The following RNLS variants were observed in gnomAD, a reference collection of about 807,000 sequenced individuals.
The protein encoded by RNLS is renalase.
Under a neutral mutation model 39.8 loss-of-function variants are expected in RNLS, and 39 were observed. That is an observed-to-expected ratio of 0.98 (90% CI 0.76 to 1.28). RNLS has a LOEUF of 1.28. Among genes scored for constraint, RNLS ranks in the 50% most tolerant of loss-of-function variants. The pLI is 0.00. For synonymous variants in RNLS, 147 were observed against 150.7 expected (o/e 0.98, Z 0.18); for missense variants, 410 against 413.3 (o/e 0.99, Z 0.07).
intron 4 of RNLS, among the ~76,000 whole-genome samples, chr10:88,516,516 G>A (rs1396611974): frequency 6.6e-6 from 1 of 151,892 alleles, no homozygotes; most frequent in Non-Finnish European, 1.5e-5. Context: ...TGAGAACTTA[G>A]TCTGATTATA....
intron 6 of RNLS, among the ~76,000 whole-genome samples, chr10:88,287,423 C>G (rs1201901080): frequency 1.3e-5 from 2 of 152,076 alleles, no homozygotes; most frequent in African/African-American, 2.4e-5. Context: ...GAGCTTTTAA[C>G]CTGCTTTAGA....
At chr10:88,537,694 C>T (rs534454013) in intron 4 of RNLS, among the ~76,000 whole-genome samples, 2 of 152,060 alleles carry the variant, frequency 1.3e-5, no homozygotes, top group Non-Finnish European at 2.9e-5. Flanking sequence ...TGGCTAGCCA[C>T]TCAGGGTGGG....
rs760818465 is a variant in RNLS, at chr10:88,375,082, C to A, written c.527-12357G>T. Among the ~76,000 whole-genome samples the A allele has an allele frequency of 5.1e-4, 77 of 152,080 alleles. 1 individual carries two copies. Among genetic ancestry groups the A allele is most frequent in the Middle Eastern group, 3.2e-3 (1 of 316 alleles). On this transcript the variant is annotated intron_variant, in intron 4 of 6. Transcript: ENST00000331772. ...TCTTGTTACTCTCTCTCTTCCTCTT[C>A]AATTTCTTGTCCTGTTGTCACAAGA... is the stretch of plus-strand genomic sequence containing the variant.
rs372698839 is a variant in RNLS, at chr10:88,491,956, TG to T, written c.526+80946del. Among the ~76,000 whole-genome samples the T allele has an allele frequency of 4.1e-4, 62 of 151,124 alleles. 1 individual carries two copies. Among genetic ancestry groups the T allele is most frequent in the Non-Finnish European group, 5.8e-4 (39 of 67,678 alleles). Reference sequence around the variant, plus strand: ...AGGGTATTAGGGAGAAAAAGAGTTTTGTTTTTTTTTTTTTTTTTAGGGGTAA... The same window carrying T: ...AGGGTATTAGGGAGAAAAAGAGTTTTTTTTTTTTTTTTTTTTTAGGGGTAA... On this transcript the variant is annotated intron_variant, in intron 4 of 6. Coordinates refer to ENST00000331772, the MANE Select transcript of RNLS (RefSeq NM_001031709.3).
chr10:88,259,714 G>A, the RNLS span, among the ~76,000 whole-genome samples: 2 of 152,126 alleles, frequency 1.3e-5, no homozygotes, highest in African/African-American at 4.8e-5. Flanking sequence ...AACTTAAATA[G>A]GATTCAACAG....
chr10:88,425,146 C>A (rs1311649108), intron 4 of RNLS, among the ~76,000 whole-genome samples: 1 of 152,090 alleles, frequency 6.6e-6, no homozygotes, highest in Non-Finnish European at 1.5e-5. Flanking sequence ...GGGAACTGTG[C>A]ATATAATATT....
intron 3 of RNLS, 45 bp downstream of exon 3, chr10:88,581,522 T>G: frequency 6.5e-7 from 1 of 1,537,740 alleles, no homozygotes; most frequent in Non-Finnish European, 8.8e-7. Context: ...AACTTGTTTT[T>G]AAATGCTAAT....
At chr10:88,263,745 CA>C in the RNLS span, among the ~76,000 whole-genome samples, 1 of 152,162 alleles carries the variant, frequency 6.6e-6, no homozygotes, top group Non-Finnish European at 1.5e-5. Flanking sequence ...TTACTTTAGG[CA>C]GATGATTTAA....
At chr10:88,576,784 G>A (rs1364884611) in intron 3 of RNLS, among the ~76,000 whole-genome samples, 1 of 152,150 alleles carries the variant, frequency 6.6e-6, no homozygotes, top group African/African-American at 2.4e-5. Context: ...AGCCATCCTA[G>A]CTAATGGCAT....
chr10:88,254,274 C>A, the RNLS span, among the ~76,000 whole-genome samples: 1 of 152,328 alleles, frequency 6.6e-6, no homozygotes, highest in Middle Eastern at 3.4e-3. Flanking sequence ...CTGCCTCTAC[C>A]TATGACTAAC....
intron 4 of RNLS, among the ~76,000 whole-genome samples, chr10:88,406,914 T>C (rs1369830242): frequency 6.6e-6 from 1 of 152,074 alleles, no homozygotes; most frequent in East Asian, 1.9e-4. Context: ...TGGATGAGAT[T>C]GGAGACTATT....
intron 4 of RNLS, among the ~76,000 whole-genome samples, chr10:88,444,608 G>C (rs757103123): frequency 1.1e-4 from 16 of 152,142 alleles, no homozygotes; most frequent in Non-Finnish European, 2.1e-4. Flanking sequence ...AGAGTAACCA[G>C]AGTAGAGAAG....
At chr10:88,211,729 CAG>C in the RNLS span, among the ~76,000 whole-genome samples, 1 of 152,138 alleles carries the variant, frequency 6.6e-6, no homozygotes, top group African/African-American at 2.4e-5. Context: ...AGGAAGAAAA[CAG>C]GGGCCAGATC....
chr10:88,305,941 C>T (rs1179261038), intron 6 of RNLS, among the ~76,000 whole-genome samples: 1 of 152,154 alleles, frequency 6.6e-6, no homozygotes, highest in Non-Finnish European at 1.5e-5. Context: ...AAAAACTCCT[C>T]AGCAAATGCA....
chr10:88,368,675 T>C (rs1696363930), intron 4 of RNLS, among the ~76,000 whole-genome samples: 2 of 152,172 alleles, frequency 1.3e-5, no homozygotes, highest in Non-Finnish European at 2.9e-5. Context: ...TTTGATGAAA[T>C]GTATGTTGCA....
chr10:88,174,712 G>T, the RNLS span, among the ~76,000 whole-genome samples: 1 of 152,064 alleles, frequency 6.6e-6, no homozygotes, highest in Non-Finnish European at 1.5e-5. Context: ...ATAATGGTCT[G>T]TTTTGTGTAT....
At chr10:88,478,161 C>T (rs899411869) in intron 4 of RNLS, among the ~76,000 whole-genome samples, 2 of 152,134 alleles carry the variant, frequency 1.3e-5, no homozygotes, top group Non-Finnish European at 2.9e-5. Context: ...ATCTTTCAAA[C>T]ATTTAAAAAA....
chr10:88,516,878 A>G (rs1047978459), intron 4 of RNLS, among the ~76,000 whole-genome samples: 3 of 151,998 alleles, frequency 2.0e-5, no homozygotes, highest in Admixed American at 1.3e-4. Flanking sequence ...ATTTCCCTTC[A>G]GATATACCGA....
At chr10:88,286,793 G>GT (rs34199618) in intron 6 of RNLS, among the ~76,000 whole-genome samples, 91,756 of 148,576 alleles carry the variant, frequency 0.62, 28,494 homozygotes, top group Middle Eastern at 0.69. Flanking sequence ...TTCCCTTACA[G>GT]TTTTTTTTTT....
Sources: allele counts gnomAD v4.1 joint callset (sites outside exome capture counted in the v4.1 genomes callset), GRCh38; gene constraint gnomAD v4.1.1; transcripts MANE v1.5; gene names NCBI Gene and HGNC (gene_info 2026-07-23, HGNC 2026-07-21).